FBXO33: variants seen among roughly 807,000 people sequenced by gnomAD.
FBXO33 encodes F-box protein 33, also known as F-box only protein 33.
FBXO33 carries 22 observed loss-of-function variants against 46.3 expected under a neutral mutation model. The ratio of observed to expected loss-of-function variants is 0.48; its 90% confidence interval spans 0.34 to 0.68. FBXO33 has a LOEUF of 0.68. Among genes scored for constraint, FBXO33 ranks in the 30% least tolerant of loss-of-function variants. The pLI is 0.01. For missense variants in FBXO33, 692 were observed against 708.8 expected (o/e 0.98, Z 0.27); for synonymous variants, 337 against 291.3 (o/e 1.16, Z -1.60).
chr14:39,419,848 T>C (rs1212456887), intron 1 of FBXO33, among the ~76,000 whole-genome samples: 2 of 152,258 alleles, frequency 1.3e-5, no homozygotes, highest in Non-Finnish European at 2.9e-5. Context: ...CCTTTGGTAA[T>C]ACTGATAGGA....
intron 1 of FBXO33, among the ~76,000 whole-genome samples, chr14:39,429,399 G>A (rs1007355537): frequency 9.9e-5 from 15 of 152,140 alleles, no homozygotes; most frequent in African/African-American, 3.4e-4. Context: ...CAAGTCTATA[G>A]TTTAAGTGAT....
chr14:39,431,526 C>T lies in FBXO33; in HGVS notation c.599+38G>A, dbSNP rs1200744620. The T allele has an allele frequency of 3.7e-6, 6 of 1,605,282 alleles. 1 individual carries two copies. Among genetic ancestry groups the T allele is most frequent in the South Asian group, 1.1e-5 (1 of 91,002 alleles). ...TCGGGGTGCGGGGACGGAGCGACCC[C>T]CCGTTACCGGGCGGGGCGGGGCTCA... On this transcript the variant is annotated intron_variant, in intron 1 of 3. Transcript: ENST00000298097.
rs774096390 is a variant in FBXO33 at position 39,431,818 on chromosome 14, G to A, written c.345C>T (p.Leu115=). Residue 115 remains leucine, a synonymous_variant, in exon 1 of 4, where the codon CTC becomes CTT. Coordinates refer to ENST00000298097, the MANE Select transcript of FBXO33 (RefSeq NM_203301.4). The part of the protein sequence containing the change: ...PALWPQLRIC[L]RVSPAEQPRL... The stretch of plus-strand genomic sequence containing the variant: ...GAGGCTGCTCCGCGGGCGAGACGCG[G>A]AGGCAGATGCGGAGCTGGGGCCACA... The A allele has an allele frequency of 3.7e-6, 6 of 1,610,326 alleles. No individual in the cohort carries two copies. The East Asian group carries it at 1.1e-4, about 30-fold the overall frequency.
At chr14:39,415,163 G>A (rs142793243) in intron 1 of FBXO33, among the ~76,000 whole-genome samples, 29 of 152,264 alleles carry the variant, frequency 1.9e-4, no homozygotes, top group Middle Eastern at 3.4e-3. Context: ...GGCTCAGTGT[G>A]GTGGTTTACA....
chr14:39,415,467 AC>A (rs2075443447), intron 1 of FBXO33, among the ~76,000 whole-genome samples: 1 of 152,218 alleles, frequency 6.6e-6, no homozygotes. Context: ...ATGAATCATA[AC>A]AAAACAAGGT....
rs889497325 is a variant in FBXO33, at chr14:39,399,574, A to G, written c.1610T>C (p.Phe537Ser). Reference sequence around the variant, plus strand: ...GTAAAAATGACGATTTGGTTCAGTGAAGACACTGAGTGATTCGATGTCCAT... The same window carrying G: ...GTAAAAATGACGATTTGGTTCAGTGGAGACACTGAGTGATTCGATGTCCAT... ...AVMDIESLSV[F>S]TEPNRHFYRE... The change falls in exon 4 of 4, where the codon TTC (phenylalanine) becomes TCC (serine). Residue 537 changes from phenylalanine to serine, a missense_variant. This residue lies in a region of FBXO33 where 94 missense variants were observed against 91.9 expected (regional missense o/e 1.02). Transcript: ENST00000298097. The G allele has an allele frequency of 6.2e-7, 1 of 1,613,158 alleles. No homozygotes were observed. The highest frequency in any genetic ancestry group is 1.3e-5 in the African/African-American group (1 of 74,910).
chr14:39,416,542 T>G (rs368152046), intron 1 of FBXO33, among the ~76,000 whole-genome samples: 41 of 152,274 alleles, frequency 2.7e-4, no homozygotes, highest in South Asian at 8.3e-4. Context: ...CTTTTTATTT[T>G]GCTCTGCTAA....
At position 39,399,499 on chromosome 14, in the gene FBXO33, T is replaced by G; in HGVS notation, c.*17A>C. On this transcript the variant is annotated 3_prime_UTR_variant, in exon 4 of 4. Transcript: ENST00000298097. ...TACTTGCATATGTAACCACAGGAAT[T>G]CTACATTAAAAAAAAGCTAAATGTC... is the stretch of plus-strand genomic sequence containing the variant. 1 of 1,597,156 alleles carries G rather than the reference T, an allele frequency of 6.3e-7. No homozygotes were observed. The highest frequency in any genetic ancestry group is 8.5e-7 in the Non-Finnish European group (1 of 1,170,462).
chr14:39,429,178 C>A (rs554314035), intron 1 of FBXO33, among the ~76,000 whole-genome samples: 1 of 152,244 alleles, frequency 6.6e-6, no homozygotes, highest in Admixed American at 6.5e-5. Context: ...AATTATTTTC[C>A]TGAGGGACAT....
At chr14:39,431,500 G>T (rs1455290859) in intron 1 of FBXO33, 64 bp downstream of exon 1, 1 of 1,598,056 alleles carries the variant, frequency 6.3e-7, no homozygotes, top group Non-Finnish European at 8.5e-7. Flanking sequence ...CAGAATCTGT[G>T]TCGGGGTGCG....
chr14:39,410,526 T>G (rs1294167151), intron 1 of FBXO33, among the ~76,000 whole-genome samples: 1 of 152,236 alleles, frequency 6.6e-6, no homozygotes, highest in African/African-American at 2.4e-5. Context: ...ATCACAGTAG[T>G]GCTAGTCACA....
chr14:39,414,000 CGA>C (rs1334422762), intron 1 of FBXO33, among the ~76,000 whole-genome samples: 10 of 152,148 alleles, frequency 6.6e-5, no homozygotes, highest in Non-Finnish European at 1.2e-4. Flanking sequence ...TAACCTCTAA[CGA>C]GAGTCAGCCT....
chr14:39,428,866 T>C (rs2075529426), intron 1 of FBXO33, among the ~76,000 whole-genome samples: 1 of 152,204 alleles, frequency 6.6e-6, no homozygotes, highest in Middle Eastern at 3.2e-3. Context: ...AAAATACAGT[T>C]GAATGAGTAC....
In FBXO33 at chr14:39,402,411, T is replaced by C; in HGVS notation, c.700A>G (p.Lys234Glu). The C allele has an allele frequency of 6.4e-7, 1 of 1,564,954 alleles. No homozygotes were observed. Among genetic ancestry groups the C allele is most frequent in the Non-Finnish European group, 8.7e-7 (1 of 1,154,018 alleles). ...AACCATATAACTTACTGTTTAATTT[T>C]TTTGCCATCAGGGTCCACCTTGCTG... The part of the protein sequence containing the change: ...YLSKVDPDGK[K>E]IKQIQQLFEE... Residue 234 changes from lysine (K) to glutamate (E), a missense_variant, in exon 2 of 4, where the codon AAA becomes GAA. Physicochemically the swap from Lys to Glu is moderately conservative, Grantham distance 56. Transcript: ENST00000298097.
At chr14:39,407,840 A>C (rs1318989832) in intron 1 of FBXO33, among the ~76,000 whole-genome samples, 1 of 152,202 alleles carries the variant, frequency 6.6e-6, no homozygotes, top group African/African-American at 2.4e-5. Flanking sequence ...ATCATACGGC[A>C]GTGCTATTTT....
chr14:39,414,302 A>T (rs151111147), intron 1 of FBXO33, among the ~76,000 whole-genome samples: 381 of 152,340 alleles, frequency 2.5e-3, no homozygotes, highest in Admixed American at 4.2e-3. Flanking sequence ...CAGCCTTCAC[A>T]GACTTGAAGA....
chr14:39,413,547 T>A (rs779076281), intron 1 of FBXO33, among the ~76,000 whole-genome samples: 1 of 152,236 alleles, frequency 6.6e-6, no homozygotes, highest in Non-Finnish European at 1.5e-5. Context: ...ATCGTTTTTA[T>A]AAGGTTTTCA....
At chr14:39,408,389 A>G (rs1428726095) in intron 1 of FBXO33, among the ~76,000 whole-genome samples, 2 of 152,048 alleles carry the variant, frequency 1.3e-5, no homozygotes, top group Non-Finnish European at 2.9e-5. Flanking sequence ...AGAAATGTCT[A>G]TTAGTCTTTT....
intron 1 of FBXO33, among the ~76,000 whole-genome samples, chr14:39,413,582 A>G (rs746741033): frequency 6.6e-6 from 1 of 152,246 alleles, no homozygotes; most frequent in Non-Finnish European, 1.5e-5. Context: ...GATCCACCAG[A>G]GAAATCACTA....
Sources: gnomAD v4.1 joint callset for allele counts (sites outside exome capture counted in the v4.1 genomes callset) on GRCh38, gnomAD v4.1.1 for gene constraint, gnomAD v4.1.1 regional missense constraint, MANE v1.5 for transcripts, NCBI Gene and HGNC (gene_info 2026-07-23, HGNC 2026-07-21) for gene names.